The following GABRB1 variants were observed in gnomAD, a reference collection of about 807,000 sequenced individuals.
GABRB1 encodes gamma-aminobutyric acid receptor subunit beta-1.
GABRB1 carries 17 observed loss-of-function variants against 51.6 expected under a neutral mutation model. The ratio of observed to expected loss-of-function variants is 0.33; its 90% CI spans 0.23 to 0.49. GABRB1 has a LOEUF of 0.49. GABRB1 is among the 20% of genes least tolerant of loss of function. The pLI, the probability that GABRB1 is intolerant of heterozygous loss-of-function variation, is 0.99. For missense variants in GABRB1, 410 were observed against 600.6 expected, an observed-to-expected ratio of 0.68 and a Z score of 3.32; for synonymous variants, 247 against 218.9, an observed-to-expected ratio of 1.13 and a Z score of -1.14.
intron 4 of GABRB1, among the ~76,000 whole-genome samples, chr4:47,201,357 T>A (rs577572380): frequency 6.6e-6 from 1 of 152,300 alleles, no homozygotes; most frequent in African/African-American, 2.4e-5. Flanking sequence ...AAGACTGTTT[T>A]GGGGCAGGCA....
intron 5 of GABRB1, among the ~76,000 whole-genome samples, chr4:47,348,029 C>A (rs1342766656): frequency 6.6e-6 from 1 of 152,158 alleles, no homozygotes; most frequent in Non-Finnish European, 1.5e-5. Context: ...AGCCATCCAA[C>A]AGAATGCCTC....
At chr4:47,248,527 A>AT (rs1173814147) in intron 4 of GABRB1, among the ~76,000 whole-genome samples, 7 of 152,036 alleles carry the variant, frequency 4.6e-5, no homozygotes, top group Non-Finnish European at 1.0e-4. Flanking sequence ...CATAGAATGA[A>AT]TTAGAGAGGG....
intron 4 of GABRB1, among the ~76,000 whole-genome samples, chr4:47,272,504 A>G (rs1243372109): frequency 1.3e-5 from 2 of 152,160 alleles, no homozygotes; most frequent in Admixed American, 1.3e-4. Context: ...ATTATTTGTT[A>G]TACTTTATGG....
chr4:47,101,702 A>G (rs1264041966), intron 3 of GABRB1, among the ~76,000 whole-genome samples: 1 of 152,060 alleles, frequency 6.6e-6, no homozygotes, highest in Non-Finnish European at 1.5e-5. Context: ...TGTATGTGAA[A>G]AGCCATGCAG....
At chr4:47,163,492 GC>G (rs967961453) in intron 4 of GABRB1, among the ~76,000 whole-genome samples, 1 of 151,980 alleles carries the variant, frequency 6.6e-6, no homozygotes, top group African/African-American at 2.4e-5. Context: ...GTAGAAATTT[GC>G]CAGTGGACAT....
intron 5 of GABRB1, among the ~76,000 whole-genome samples, chr4:47,364,426 G>A (rs528443762): frequency 6.6e-6 from 1 of 152,092 alleles, no homozygotes; most frequent in African/African-American, 2.4e-5. Flanking sequence ...AGAACAAGAA[G>A]AGGAAGAGCA....
intron 4 of GABRB1, among the ~76,000 whole-genome samples, chr4:47,165,536 G>A (rs973212082): frequency 6.6e-6 from 1 of 152,140 alleles, no homozygotes; most frequent in Non-Finnish European, 1.5e-5. Context: ...AATGCTTTAA[G>A]AGTAATGACT....
intron 1 of GABRB1, among the ~76,000 whole-genome samples, chr4:47,003,179 C>G (rs1724283154): frequency 6.6e-6 from 1 of 152,152 alleles, no homozygotes; most frequent in Non-Finnish European, 1.5e-5. Flanking sequence ...TGTCACTTGC[C>G]TCAGAAGTAC....
chr4:47,204,053 TA>T (rs1270063654), intron 4 of GABRB1, among the ~76,000 whole-genome samples: 1 of 152,144 alleles, frequency 6.6e-6, no homozygotes. Flanking sequence ...GGCTGAGAAA[TA>T]AAAAACTGAA....
upstream of GABRB1, among the ~76,000 whole-genome samples, chr4:47,028,290 C>G (rs1239451910): frequency 1.3e-5 from 2 of 151,502 alleles, no homozygotes; most frequent in African/African-American, 4.8e-5. Context: ...AATGAGGTAT[C>G]CATCCCCTTA....
chr4:47,103,153 A>G (rs961082649), intron 3 of GABRB1, among the ~76,000 whole-genome samples: 1 of 152,050 alleles, frequency 6.6e-6, no homozygotes, highest in Non-Finnish European at 1.5e-5. Context: ...TAATCAGTGA[A>G]GACATTCAAG....
At chr4:47,294,944 G>C (rs1723913017) in intron 4 of GABRB1, among the ~76,000 whole-genome samples, 1 of 152,184 alleles carries the variant, frequency 6.6e-6, no homozygotes, top group Non-Finnish European at 1.5e-5. Flanking sequence ...AGCATTCGTG[G>C]TTCACGAAAA....
intron 5 of GABRB1, among the ~76,000 whole-genome samples, chr4:47,360,410 C>T (rs941716611): frequency 1.3e-5 from 2 of 151,704 alleles, no homozygotes; most frequent in Non-Finnish European, 2.9e-5. Context: ...GGAATCCAGC[C>T]TCTTTTCATA....
At chr4:47,393,386 G>A (rs1000338756) in intron 5 of GABRB1, among the ~76,000 whole-genome samples, 2 of 152,092 alleles carry the variant, frequency 1.3e-5, no homozygotes, top group Non-Finnish European at 2.9e-5. Context: ...TGCTTTTTTC[G>A]AGGCGTGTGT....
chr4:47,076,119 A>C (rs1253497709), intron 3 of GABRB1, among the ~76,000 whole-genome samples: 1 of 152,136 alleles, frequency 6.6e-6, no homozygotes, highest in Admixed American at 6.5e-5. Flanking sequence ...TTTACATTCC[A>C]GTTTCCCAGG....
intron 4 of GABRB1, among the ~76,000 whole-genome samples, chr4:47,294,246 C>T (rs369151889): frequency 1.6e-4 from 25 of 152,276 alleles, no homozygotes; most frequent in African/African-American, 5.8e-4. Flanking sequence ...GAGTGCCAGA[C>T]AATGGGTGCA....
intron 3 of GABRB1, among the ~76,000 whole-genome samples, chr4:47,081,074 C>A (rs115756067): frequency 1.3e-5 from 2 of 152,062 alleles, no homozygotes; most frequent in African/African-American, 4.8e-5. Flanking sequence ...CAATGAATAA[C>A]GATTCTGAGG....
chr4:47,079,563 G>A (rs1311111576), intron 3 of GABRB1, among the ~76,000 whole-genome samples: 1 of 151,876 alleles, frequency 6.6e-6, no homozygotes, highest in Non-Finnish European at 1.5e-5. Flanking sequence ...GTTTATTGCG[G>A]CACTGTTCAC....
intron 7 of GABRB1, among the ~76,000 whole-genome samples, chr4:47,405,308 C>A (rs762865608): frequency 1.4e-4 from 21 of 152,130 alleles, no homozygotes; most frequent in African/African-American, 5.1e-4. Context: ...TAGTCAAATC[C>A]GGGAATATAC....
Sources: allele counts gnomAD v4.1 joint callset (sites outside exome capture counted in the v4.1 genomes callset), GRCh38; gene constraint gnomAD v4.1.1; transcripts MANE v1.5; gene names NCBI Gene and HGNC (gene_info 2026-07-23, HGNC 2026-07-21).